MGRN1: variants seen among roughly 807,000 people sequenced by gnomAD.
The protein encoded by MGRN1 is mahogunin ring finger 1, also known as E3 ubiquitin-protein ligase MGRN1.
In MGRN1, 29 loss-of-function variants were observed where a neutral mutation model predicts 69.2. That is an observed-to-expected ratio of 0.42 (90% CI 0.31 to 0.57). MGRN1 has a LOEUF of 0.57. Among genes scored for constraint, MGRN1 ranks in the 20% least tolerant of loss-of-function variants. MGRN1 has a pLI of 0.15. For missense variants in MGRN1, 998 were observed against 796.2 expected (o/e 1.25, Z -3.05); for synonymous variants, 470 against 344.2 (o/e 1.37, Z -4.04).
At chr16:4,658,564 T>C (rs2078606101) in intron 5 of MGRN1, among the ~76,000 whole-genome samples, 1 of 151,246 alleles carries the variant, frequency 6.6e-6, no homozygotes, top group African/African-American at 2.4e-5. Context: ...GTAGACCTTG[T>C]GGGTCCCAGG....
intron 5 of MGRN1, among the ~76,000 whole-genome samples, chr16:4,662,614 C>T (rs779797979): frequency 7.9e-5 from 12 of 152,154 alleles, no homozygotes; most frequent in Non-Finnish European, 1.5e-4. Flanking sequence ...ACTTCATTTG[C>T]GCTTTATCCT....
intron 1 of MGRN1, among the ~76,000 whole-genome samples, chr16:4,632,577 G>A (rs1898064805): frequency 6.6e-6 from 1 of 152,194 alleles, no homozygotes; most frequent in East Asian, 1.9e-4. Flanking sequence ...TGTATTTTTA[G>A]TGGAGATGTG....
intron 1 of MGRN1, among the ~76,000 whole-genome samples, chr16:4,635,388 C>T (rs1027538549): frequency 1.3e-5 from 2 of 152,202 alleles, no homozygotes; most frequent in African/African-American, 4.8e-5. Context: ...CTGCACTCCA[C>T]CCTGGGTGAC....
chr16:4,638,147 G>A (rs1011353569), intron 1 of MGRN1, among the ~76,000 whole-genome samples: 3 of 152,102 alleles, frequency 2.0e-5, no homozygotes, highest in African/African-American at 4.8e-5. Context: ...CCTGAGTTTA[G>A]GGTGGCCCTC....
chr16:4,657,402 C>A, intron 5 of MGRN1, 39 bp downstream of exon 5: 1 of 1,576,154 alleles, frequency 6.3e-7, no homozygotes, highest in South Asian at 1.1e-5. Flanking sequence ...TTCGCTCCTC[C>A]TGAATTCTCT....
At chr16:4,652,139 C>A in intron 3 of MGRN1, 88 bp downstream of exon 3, 1 of 1,354,446 alleles carries the variant, frequency 7.4e-7, no homozygotes, top group Non-Finnish European at 1.0e-6. Flanking sequence ...AGGAAAAGGG[C>A]AGGCGGGAGG....
intron 1 of MGRN1, among the ~76,000 whole-genome samples, chr16:4,635,583 C>T (rs1898241112): frequency 6.6e-6 from 1 of 151,832 alleles, no homozygotes; most frequent in South Asian, 2.1e-4. Flanking sequence ...AATCCTCCTT[C>T]AGCCTCTGGA....
chr16:4,659,065 A>C (rs960568005), intron 5 of MGRN1: 2 of 152,218 alleles, frequency 1.3e-5, no homozygotes, highest in Non-Finnish European at 2.9e-5. Flanking sequence ...CGAACAGATC[A>C]AAACTCCCAT....
chr16:4,654,781 G>T (rs1206790292), intron 4 of MGRN1, among the ~76,000 whole-genome samples: 3 of 152,202 alleles, frequency 2.0e-5, no homozygotes, highest in African/African-American at 7.2e-5. Flanking sequence ...AGGGGCTGGT[G>T]GAGACGACTT....
chr16:4,650,038 C>G (rs926473607), intron 1 of MGRN1: 1 of 203,624 alleles, frequency 4.9e-6, no homozygotes, highest in Non-Finnish European at 1.0e-5. Context: ...CGCCGTGGCT[C>G]ATACCTGTAA....
chr16:4,643,018 C>T (rs2078196674), intron 1 of MGRN1, among the ~76,000 whole-genome samples: 1 of 152,008 alleles, frequency 6.6e-6, no homozygotes, highest in South Asian at 2.1e-4. Flanking sequence ...TGAAGTGGCA[C>T]AATCTCAGCT....
In MGRN1 at chr16:4,673,359, C is replaced by A. The variant is rs949241647; in HGVS notation, c.796-139C>A. 90 of 1,162,936 alleles carry A rather than the reference C, an allele frequency of 7.7e-5. 1 individual carries two copies. In the South Asian group the frequency reaches 1.2e-3, roughly 16 times the overall value. The allele number at this position is 1,162,936 out of a possible 1,614,324, so 72.0% of individuals were successfully genotyped here. On this transcript the variant is annotated intron_variant, in intron 9 of 16. Transcript: ENST00000262370. The stretch of plus-strand genomic sequence containing the variant: ...TGGTGATTCTGCTCTGGGGCAACCT[C>A]CCCCTCCCCTCTGGACTTCTCTTTG...
At chr16:4,662,221 ATAG>A (rs1200694471) in intron 5 of MGRN1, among the ~76,000 whole-genome samples, 2 of 152,128 alleles carry the variant, frequency 1.3e-5, no homozygotes, top group African/African-American at 4.8e-5. Flanking sequence ...TCCTTAAATA[ATAG>A]TAATATTTGG....
intron 3 of MGRN1, among the ~76,000 whole-genome samples, chr16:4,652,422 C>T (rs1029212133): frequency 1.3e-5 from 2 of 152,090 alleles, no homozygotes; most frequent in Non-Finnish European, 2.9e-5. Context: ...CTGCTTAAAC[C>T]GACTAGACTT....
chr16:4,689,213 T>G lies in MGRN1; in HGVS notation c.*305T>G. The G allele has an allele frequency of 3.1e-6, 1 of 320,126 alleles. No individual in the cohort carries two copies. Among genetic ancestry groups the G allele is most frequent in the Non-Finnish European group, 5.7e-6 (1 of 174,216 alleles). 19.8% of individuals were successfully genotyped at this position (320,126 alleles called of 1,614,324 possible). A position where few individuals can be genotyped will look rare whatever the true frequency, so the allele number is the denominator to read the frequency against. Reference sequence around the variant, plus strand: ...GGCTGGGGCTGGGGCTGCCCACGTGTGGCCTCCGCTGGCTCTGCCTGCTCC... The same window carrying G: ...GGCTGGGGCTGGGGCTGCCCACGTGGGGCCTCCGCTGGCTCTGCCTGCTCC... On this transcript the variant is annotated 3_prime_UTR_variant, in exon 17 of 17. Coordinates refer to ENST00000262370, the MANE Select transcript of MGRN1 (RefSeq NM_015246.4).
chr16:4,683,364 A>C, intron 15 of MGRN1, 95 bp downstream of exon 15: 1 of 1,437,232 alleles, frequency 7.0e-7, no homozygotes, highest in South Asian at 1.2e-5. Flanking sequence ...TTGGGCCAGC[A>C]CCTCTTCTGC....
At position 4,677,836 on chromosome 16, in the gene MGRN1, C is replaced by CTT. The variant is rs747139466; in HGVS notation, c.1065+281_1065+282dup. Among the ~76,000 whole-genome samples the CTT allele has an allele frequency of 5.0e-3, 565 of 111,964 alleles. 4 individuals carry two copies. Among genetic ancestry groups the CTT allele is most frequent in the Admixed American group, 9.8e-3 (104 of 10,640 alleles). The allele number at this position is 111,964 out of a possible 152,430, so 73.5% of individuals were successfully genotyped here. On this transcript the variant is annotated intron_variant, in intron 11 of 16. Transcript: ENST00000262370. Reference sequence around the variant, plus strand: ...GTCGAGGTCTCGGTGGAGCCAGGTGCTTTTTTTTTTTTTTTTTTCTTTTTG... The same window carrying CTT: ...GTCGAGGTCTCGGTGGAGCCAGGTGCTTTTTTTTTTTTTTTTTTTTCTTTTTG...
Position 4,682,818 on chromosome 16 carries a change from C to G in MGRN1, c.1359-5C>G. ...ACCCCTGCCCACCCTCTCCTCTGTC[C>G]CCAGCACCCTACGGTCCCCGTCTTC... On this transcript the variant is annotated splice_polypyrimidine_tract_variant and splice_region_variant and intron_variant, in intron 13 of 16. Coordinates refer to ENST00000262370, the MANE Select transcript of MGRN1 (RefSeq NM_015246.4). The G allele has an allele frequency of 3.8e-6, 6 of 1,574,756 alleles. No homozygotes were observed. Among genetic ancestry groups the G allele is most frequent in the Non-Finnish European group, 4.3e-6 (5 of 1,155,342 alleles).
At chr16:4,672,941 C>T (rs1336074283) in intron 9 of MGRN1, among the ~76,000 whole-genome samples, 3 of 152,162 alleles carry the variant, frequency 2.0e-5, no homozygotes, top group Non-Finnish European at 4.4e-5. Flanking sequence ...TGGGTTCACG[C>T]CATTCTCCTG....
Sources: allele counts gnomAD v4.1 joint callset (sites outside exome capture counted in the v4.1 genomes callset), GRCh38; gene constraint gnomAD v4.1.1; transcripts MANE v1.5; gene names NCBI Gene and HGNC (gene_info 2026-07-23, HGNC 2026-07-21).